The following ESR2 variants were observed in gnomAD, a reference collection of about 807,000 sequenced individuals.
ESR2 encodes estrogen receptor 2.
ESR2 carries 36 observed loss-of-function variants against 49.6 expected under a neutral mutation model. That is an observed-to-expected ratio of 0.73 (90% CI 0.56 to 0.96). The LOEUF (loss-of-function observed/expected upper bound fraction) is 0.96, where lower values mean the gene tolerates loss of function less well. Ranked by LOEUF, ESR2 falls within the 40% of genes least tolerant of loss-of-function variation. The pLI is 0.00. For synonymous variants in ESR2, 320 were observed against 266.1 expected (o/e 1.20, Z -1.97); for missense variants, 714 against 693.0 (o/e 1.03, Z -0.34).
chr14:64,286,838 TCA>T (rs1455419958), intron 1 of ESR2, among the ~76,000 whole-genome samples: 1 of 151,966 alleles, frequency 6.6e-6, no homozygotes, highest in Non-Finnish European at 1.5e-5. Context: ...TGCCTCAGCC[TCA>T]CAATTAGCTG....
At position 64,273,379 on chromosome 14, in the gene ESR2, G is replaced by A. The variant is rs562010992; in HGVS notation, c.536-4468C>T. On this transcript the variant is annotated intron_variant, in intron 3 of 8. Transcript: ENST00000341099. ...AACAGTGGTGAAAGTGGGCATCCTC[G>A]TCATGTTCCATATAGAGGAAAGGCT... Among the ~76,000 whole-genome samples, 97 of 152,186 alleles carry A rather than the reference G, an allele frequency of 6.4e-4. 1 individual carries two copies. The Middle Eastern group carries it at 0.017, about 27-fold the overall frequency.
At chr14:64,276,693 G>T (rs1441258540) in intron 3 of ESR2, among the ~76,000 whole-genome samples, 1 of 152,024 alleles carries the variant, frequency 6.6e-6, no homozygotes, top group African/African-American at 2.4e-5. Flanking sequence ...GAAAATAATT[G>T]ATAGGGCCTT....
intron 1 of ESR2, among the ~76,000 whole-genome samples, chr14:64,292,429 G>C (rs150652560): frequency 1.8e-3 from 269 of 152,194 alleles, no homozygotes; most frequent in African/African-American, 6.1e-3. Flanking sequence ...ATTCATAGAG[G>C]TACATTTACA....
At chr14:64,244,472 G>A (rs1022127216) in intron 7 of ESR2, among the ~76,000 whole-genome samples, 2 of 151,742 alleles carry the variant, frequency 1.3e-5, no homozygotes, top group Admixed American at 6.6e-5. Context: ...GGCAGGCACC[G>A]TCCAATTGGC....
At chr14:64,285,156 A>G (rs2076763769) in intron 1 of ESR2, among the ~76,000 whole-genome samples, 1 of 151,950 alleles carries the variant, frequency 6.6e-6, no homozygotes, top group Non-Finnish European at 1.5e-5. Flanking sequence ...GCCAGCTCTC[A>G]TTACTTCTTA....
At chr14:64,257,179 C>A in intron 6 of ESR2, 47 bp downstream of exon 6, 1 of 1,584,588 alleles carries the variant, frequency 6.3e-7, no homozygotes, top group Non-Finnish European at 8.7e-7. Context: ...TCACTAAGCA[C>A]CTTACTCAAA....
chr14:64,260,074 G>C (rs987117478), intron 5 of ESR2: 4 of 469,152 alleles, frequency 8.5e-6, no homozygotes, highest in East Asian at 1.3e-4. Flanking sequence ...TGGCCAACAG[G>C]TGAGTGTCTG....
chr14:64,258,275 A>G (rs59160802), intron 5 of ESR2, among the ~76,000 whole-genome samples: 4,569 of 152,350 alleles, frequency 0.03, 107 homozygotes, highest in Non-Finnish European at 0.043. Context: ...TGACAACCTA[A>G]TAACCCATGT....
intron 1 of ESR2, chr14:64,301,317 G>C (rs547023356): frequency 1.3e-5 from 2 of 152,296 alleles, no homozygotes; most frequent in East Asian, 1.9e-4. Flanking sequence ...TCACGTTCCC[G>C]CATGTTTGGG....
chr14:64,293,566 G>A (rs1240208850), intron 1 of ESR2, among the ~76,000 whole-genome samples: 2 of 152,222 alleles, frequency 1.3e-5, no homozygotes, highest in African/African-American at 4.8e-5. Context: ...AGACCAGTTA[G>A]AGCTTAGCTT....
Position 64,282,942 on chromosome 14 carries a change from G to A in ESR2, c.44C>T (p.Ser15Phe). 6.2e-7 allele frequency: 1 copy of A among 1,614,066 alleles called. No individual in the cohort carries two copies. Among genetic ancestry groups the A allele is most frequent in the Middle Eastern group, 1.6e-4 (1 of 6,062 alleles). The change falls in exon 2 of 9, where the codon TCC becomes TTC. Residue 15 changes from serine to phenylalanine, a missense_variant. Physicochemically the swap from Ser to Phe is radical, Grantham distance 155. Transcript: ENST00000341099. ...TAAGATGGATTGACTGCAGTTGTAG[G>A]AGGAAGGAGAATTAAGGCTAGATGG... Reference protein sequence around the residue: ...NSPSSLNSPSSYNCSQSILPL... With the variant: ...NSPSSLNSPSFYNCSQSILPL...
chr14:64,260,314 G>A, intron 5 of ESR2, 135 bp downstream of exon 5: 1 of 912,726 alleles, frequency 1.1e-6, no homozygotes, highest in East Asian at 2.4e-5. Flanking sequence ...GCACTTAAAA[G>A]TTACAAATCC....
chr14:64,253,925 G>A (rs552081675), intron 6 of ESR2, among the ~76,000 whole-genome samples: 6 of 152,214 alleles, frequency 3.9e-5, no homozygotes, highest in African/African-American at 1.4e-4. Flanking sequence ...ACACAAAAAT[G>A]TCTTTGCATA....
intron 1 of ESR2, among the ~76,000 whole-genome samples, chr14:64,328,051 CAAAAA>C (rs748229456): frequency 1.1e-5 from 1 of 87,146 alleles, no homozygotes. Context: ...ACTAAAAATA[CAAAAA>C]AAAAAAAAAA....
chr14:64,300,972 T>A (rs1266579318), intron 1 of ESR2, among the ~76,000 whole-genome samples: 1 of 147,482 alleles, frequency 6.8e-6, no homozygotes, highest in Admixed American at 7.4e-5. Flanking sequence ...ATTCAGCAGT[T>A]GCTTGTAAAT....
rs370106732 is a variant in ESR2, at chr14:64,237,381, A to G, written c.1226-2231T>C. Among the ~76,000 whole-genome samples the G allele has an allele frequency of 6.6e-5, 10 of 152,324 alleles. No homozygotes were observed. In the East Asian group the frequency reaches 1.7e-3, roughly 26 times the overall value. ...GTACAGAGAAAATTATTTCAAGCTTACTTTCCCTAAAATTAACCCCATCTG... is the reference window on the plus strand; with the variant it reads ...GTACAGAGAAAATTATTTCAAGCTTGCTTTCCCTAAAATTAACCCCATCTG... On this transcript the variant is annotated intron_variant, in intron 7 of 8. Transcript: ENST00000341099.
At chr14:64,227,620 G>A (rs932450570), downstream of ESR2, 6 of 1,614,018 alleles carry the variant, frequency 3.7e-6, no homozygotes, top group Non-Finnish European at 5.1e-6. Context: ...CTGCCCTTAA[G>A]TAGAGATGCG....
chr14:64,312,248 T>C (rs1383914487), intron 1 of ESR2, among the ~76,000 whole-genome samples: 1 of 151,718 alleles, frequency 6.6e-6, no homozygotes, highest in Non-Finnish European at 1.5e-5. Flanking sequence ...TAATTCAAAA[T>C]GGAATTCTAA....
At chr14:64,310,291 AT>A (rs1333111279) in intron 1 of ESR2, among the ~76,000 whole-genome samples, 2 of 131,080 alleles carry the variant, frequency 1.5e-5, no homozygotes, top group African/African-American at 5.2e-5. Context: ...TCAAAAAATA[AT>A]AATAATAATA....
Sources: allele counts gnomAD v4.1 joint callset (sites outside exome capture counted in the v4.1 genomes callset), GRCh38; gene constraint gnomAD v4.1.1; transcripts MANE v1.5; gene names NCBI Gene and HGNC (gene_info 2026-07-23, HGNC 2026-07-21).